The following MDGA2 variants were observed in gnomAD, a reference collection of about 807,000 sequenced individuals.
MDGA2 encodes MAM domain-containing glycosylphosphatidylinositol anchor protein 2.
Under a neutral mutation model 117.8 loss-of-function variants are expected in MDGA2, and 40 were observed. The ratio of observed to expected loss-of-function variants is 0.34; its 90% CI spans 0.26 to 0.44. MDGA2 has a LOEUF of 0.44. Among genes scored for constraint, MDGA2 ranks in the 20% least tolerant of loss-of-function variants. The pLI, the probability that MDGA2 is intolerant of heterozygous loss-of-function variation, is 1.00. For synonymous variants in MDGA2, 452 were observed against 439.0 expected (o/e 1.03, Z -0.37); for missense variants, 1,123 against 1,250.6 (o/e 0.90, Z 1.54).
rs542068877 is a variant in MDGA2 at position 47,086,029 on chromosome 14, T to C, written c.1195+10825A>G. ...ATATAATTTACATACATTGAAATGT[T>C]CATGTCTTAAATGTATAGTTTAATC... On this transcript the variant is annotated intron_variant, in intron 6 of 16. Transcript: ENST00000399232. 2.6e-5 allele frequency among the ~76,000 whole-genome samples: 4 copies of C among 152,090 alleles called. No homozygotes were observed. In the South Asian group the frequency reaches 8.3e-4, roughly 31 times the overall value.
chr14:47,282,691 T>C (rs1371886605), intron 2 of MDGA2, among the ~76,000 whole-genome samples: 1 of 145,176 alleles, frequency 6.9e-6, no homozygotes, highest in African/African-American at 2.5e-5. Flanking sequence ...AGCAAGAATG[T>C]GTCTCAAAAA....
At chr14:47,031,389 A>AT (rs1225188582) in intron 8 of MDGA2, among the ~76,000 whole-genome samples, 6 of 151,782 alleles carry the variant, frequency 4.0e-5, no homozygotes, top group African/African-American at 1.5e-4. Flanking sequence ...AAAATACTGG[A>AT]TTTTTTCTAT....
intron 1 of MDGA2, among the ~76,000 whole-genome samples, chr14:47,614,043 A>C (rs2138911762): frequency 6.6e-6 from 1 of 151,784 alleles, no homozygotes; most frequent in South Asian, 2.1e-4. Flanking sequence ...TTTCCCCATA[A>C]AAAATGTTGT....
intron 1 of MDGA2, among the ~76,000 whole-genome samples, chr14:47,670,469 T>C (rs1180271899): frequency 1.3e-5 from 2 of 152,174 alleles, no homozygotes; most frequent in Admixed American, 6.5e-5. Flanking sequence ...TTACAGGAGA[T>C]ACAATTATTG....
intron 3 of MDGA2, among the ~76,000 whole-genome samples, chr14:47,175,665 T>C (rs1351196775): frequency 6.6e-6 from 1 of 151,514 alleles, no homozygotes; most frequent in African/African-American, 2.4e-5. Flanking sequence ...TAATAAGAGC[T>C]ATCTATGACA....
intron 1 of MDGA2, among the ~76,000 whole-genome samples, chr14:47,514,603 T>C (rs939532728): frequency 1.3e-5 from 2 of 152,166 alleles, no homozygotes; most frequent in Non-Finnish European, 2.9e-5. Flanking sequence ...TTATATCTCA[T>C]GCCTTGCAGT....
chr14:47,394,926 G>A (rs1304741874), intron 1 of MDGA2, among the ~76,000 whole-genome samples: 4 of 152,156 alleles, frequency 2.6e-5, no homozygotes, highest in Non-Finnish European at 1.5e-5. Context: ...GCTGAGGTGG[G>A]AAGATTACTT....
At chr14:47,552,559 C>T (rs1237077435) in intron 1 of MDGA2, among the ~76,000 whole-genome samples, 1 of 152,138 alleles carries the variant, frequency 6.6e-6, no homozygotes, top group Non-Finnish European at 1.5e-5. Context: ...TCTGATCACA[C>T]CTCATAACTT....
chr14:46,945,946 G>A (rs1461477777), intron 9 of MDGA2, among the ~76,000 whole-genome samples: 1 of 151,986 alleles, frequency 6.6e-6, no homozygotes, highest in African/African-American at 2.4e-5. Context: ...GACATGAGTT[G>A]TATAATGCAT....
rs567258841 is a variant in MDGA2, at chr14:47,306,323, T to G, written c.281-4773A>C. ...GATAGTTTCTTGATCGCCATGGAACTCACATTACCCACCGTTGGGGGAATC... is the reference window on the plus strand; with the variant it reads ...GATAGTTTCTTGATCGCCATGGAACGCACATTACCCACCGTTGGGGGAATC... On this transcript the variant is annotated intron_variant, in intron 1 of 16. Transcript: ENST00000399232. Among the ~76,000 whole-genome samples the G allele has an allele frequency of 8.5e-5, 13 of 152,306 alleles. 1 individual carries two copies. In the South Asian group the frequency reaches 2.7e-3, roughly 32 times the overall value.
At chr14:47,528,340 T>A (rs1543410) in intron 1 of MDGA2, among the ~76,000 whole-genome samples, 15,468 of 152,170 alleles carry the variant, frequency 0.1, 878 homozygotes, top group Middle Eastern at 0.15. Context: ...CAAAACAAAC[T>A]CTGTTCTGCC....
chr14:46,913,760 C>G (rs1316784648), intron 10 of MDGA2, among the ~76,000 whole-genome samples: 1 of 152,156 alleles, frequency 6.6e-6, no homozygotes, highest in Non-Finnish European at 1.5e-5. Context: ...CCTGGCAGTA[C>G]TAACTGCCCC....
At chr14:47,589,394 C>T (rs1466956910) in intron 1 of MDGA2, among the ~76,000 whole-genome samples, 1 of 151,910 alleles carries the variant, frequency 6.6e-6, no homozygotes, top group African/African-American at 2.4e-5. Context: ...CATTCTTTTG[C>T]ATGTGCACAT....
chr14:47,388,259 T>C (rs920540056), intron 1 of MDGA2, among the ~76,000 whole-genome samples: 1 of 152,102 alleles, frequency 6.6e-6, no homozygotes, highest in Non-Finnish European at 1.5e-5. Context: ...TTAGTTTGAG[T>C]TCCTTTTCTA....
chr14:47,172,094 A>T (rs1884173191), intron 3 of MDGA2, among the ~76,000 whole-genome samples: 1 of 152,092 alleles, frequency 6.6e-6, no homozygotes, highest in Non-Finnish European at 1.5e-5. Context: ...AGGCTGGGGG[A>T]GGGGCACCCA....
At chr14:46,987,390 A>G (rs563407386) in intron 8 of MDGA2, among the ~76,000 whole-genome samples, 1 of 152,250 alleles carries the variant, frequency 6.6e-6, no homozygotes, top group African/African-American at 2.4e-5. Flanking sequence ...TCTAATGTAC[A>G]GAATGTTGTT....
intron 10 of MDGA2, among the ~76,000 whole-genome samples, chr14:46,900,060 A>C (rs1163560765): frequency 6.6e-6 from 1 of 152,180 alleles, no homozygotes; most frequent in African/African-American, 2.4e-5. Context: ...AGTGGGCAAA[A>C]GACATGCACA....
chr14:47,589,713 G>C (rs1184414060), intron 1 of MDGA2, among the ~76,000 whole-genome samples: 2 of 151,758 alleles, frequency 1.3e-5, no homozygotes, highest in African/African-American at 4.8e-5. Flanking sequence ...AGGCAGAGGG[G>C]GTTTTGATGT....
In MDGA2 at chr14:46,935,343, C is replaced by T. The variant is rs1206308253; in HGVS notation, c.2090-15183G>A. 4.6e-5 allele frequency among the ~76,000 whole-genome samples: 7 copies of T among 152,236 alleles called. No homozygotes were observed. The East Asian group carries it at 1.2e-3, about 25-fold the overall frequency. ...TCCAGCTCACCCTACATATCCCGCA[C>T]CTAAGAAATACTACTTGATTCCCTG... On this transcript the variant is annotated intron_variant, in intron 9 of 16. Coordinates refer to ENST00000399232, the MANE Select transcript of MDGA2 (RefSeq NM_001113498.3).
Sources: allele counts gnomAD v4.1 joint callset (sites outside exome capture counted in the v4.1 genomes callset), GRCh38; gene constraint gnomAD v4.1.1; transcripts MANE v1.5; gene names NCBI Gene and HGNC (gene_info 2026-07-23, HGNC 2026-07-21).